CEP120: variants seen among roughly 807,000 people sequenced by gnomAD.
CEP120 encodes centrosomal protein 120, also known as centrosomal protein of 120 kDa.
In CEP120, 113 loss-of-function variants were observed where a neutral mutation model predicts 126.5. That is an observed-to-expected ratio of 0.89 (90% CI 0.77 to 1.04). The LOEUF (loss-of-function observed/expected upper bound fraction) is 1.04, where lower values mean the gene tolerates loss of function less well. CEP120 is among the 50% of genes least tolerant of loss of function. The probability of loss-of-function intolerance (pLI) is 0.00; values close to 1 mark genes in which losing one functional copy is unlikely to be tolerated. For missense variants in CEP120, 1,230 were observed against 1,155.7 expected (o/e 1.06, Z -0.93); for synonymous variants, 400 against 394.3 (o/e 1.01, Z -0.17).
At chr5:123,404,892 A>T (rs1205376519) in intron 4 of CEP120, among the ~76,000 whole-genome samples, 1 of 152,238 alleles carries the variant, frequency 6.6e-6, no homozygotes, top group African/African-American at 2.4e-5. Context: ...AAGTTTACAG[A>T]AGAGATGTAA....
intron 19 of CEP120, among the ~76,000 whole-genome samples, chr5:123,347,742 C>A (rs1446127640): frequency 6.6e-6 from 1 of 152,104 alleles, no homozygotes; most frequent in African/African-American, 2.4e-5. Flanking sequence ...ACCTCCTGGG[C>A]TCAATGGATC....
intron 5 of CEP120, among the ~76,000 whole-genome samples, chr5:123,395,219 T>C (rs1436037434): frequency 6.6e-6 from 1 of 152,342 alleles, no homozygotes. Context: ...TCCTGATATT[T>C]AGAGACTACT....
chr5:123,393,252 T>C (rs1219021464), intron 6 of CEP120, 48 bp downstream of exon 6: 1 of 1,545,852 alleles, frequency 6.5e-7, no homozygotes, highest in East Asian at 2.2e-5. Context: ...ACTAAATTAA[T>C]GCTTAAAAGA....
chr5:123,390,293 T>C (rs752067487), intron 7 of CEP120, 153 bp from the exon 8 acceptor site: 19 of 711,624 alleles, frequency 2.7e-5, no homozygotes, highest in Non-Finnish European at 3.8e-5. Flanking sequence ...AATTTCCTTA[T>C]AGCATCTAGG....
chr5:123,407,920 C>T (rs1478017404), intron 4 of CEP120, among the ~76,000 whole-genome samples: 1 of 152,004 alleles, frequency 6.6e-6, no homozygotes, highest in African/African-American at 2.4e-5. Flanking sequence ...TCCCAAAATA[C>T]TTTGAGATTA....
intron 18 of CEP120, among the ~76,000 whole-genome samples, chr5:123,352,440 C>G (rs1197878735): frequency 6.6e-6 from 1 of 151,952 alleles, no homozygotes; most frequent in Non-Finnish European, 1.5e-5. Context: ...ACTGACCTAG[C>G]AACATTTATT....
intron 3 of CEP120, among the ~76,000 whole-genome samples, chr5:123,415,501 T>C (rs1774327902): frequency 1.3e-5 from 2 of 152,226 alleles, no homozygotes; most frequent in African/African-American, 4.8e-5. Flanking sequence ...GATGTCTTTT[T>C]GAGCAAGACA....
intron 4 of CEP120, chr5:123,401,284 C>G (rs1477120323): frequency 8.7e-6 from 14 of 1,608,368 alleles, no homozygotes; most frequent in Middle Eastern, 1.7e-4. Flanking sequence ...TCCAGCTCGA[C>G]AACTTGGCGT....
intron 18 of CEP120, among the ~76,000 whole-genome samples, chr5:123,354,429 ATCT>A (rs2126976580): frequency 6.6e-6 from 1 of 152,222 alleles, no homozygotes; most frequent in African/African-American, 2.4e-5. Context: ...TGTTGCCCAA[ATCT>A]TCTACATTAT....
intron 1 of CEP120, chr5:123,422,611 T>C (rs779888511): frequency 1.3e-5 from 18 of 1,409,520 alleles, no homozygotes; most frequent in South Asian, 6.1e-5. Flanking sequence ...AGTGCTATTA[T>C]TGGGAACCGC....
At position 123,377,547 on chromosome 5, in the gene CEP120, G is replaced by A. The variant is rs1364122634; in HGVS notation, c.2197-12C>T. The A allele has an allele frequency of 6.4e-7, 1 of 1,569,006 alleles. No homozygotes were observed. Among genetic ancestry groups the A allele is most frequent in the East Asian group, 2.3e-5 (1 of 43,822 alleles). On this transcript the variant is annotated splice_polypyrimidine_tract_variant and intron_variant, in intron 15 of 19. Transcript: ENST00000306467. ...TTTTCTCTTTGAAGCTTAAAACAAA[G>A]GCATCTTTAAGAGGTTGGTTTATTG...
intron 9 of CEP120, among the ~76,000 whole-genome samples, chr5:123,387,607 T>C (rs915252359): frequency 2.0e-5 from 3 of 152,104 alleles, no homozygotes; most frequent in African/African-American, 7.2e-5. Context: ...CTTAAAATGA[T>C]TCAAAGACCG....
chr5:123,356,370 T>C (rs1186001742), intron 18 of CEP120, among the ~76,000 whole-genome samples: 1 of 152,114 alleles, frequency 6.6e-6, no homozygotes, highest in Non-Finnish European at 1.5e-5. Flanking sequence ...TGCTCATGGG[T>C]AGGAAGAATC....
rs1561986898 is a variant in CEP120 at position 123,349,928 on chromosome 5, C to A, written c.2726+16G>T. The stretch of plus-strand genomic sequence containing the variant: ...CAAACTTTGGCTTTTGAAAGAAACA[C>A]TTTTAGTTATTATACCTGTTCAATT... On this transcript the variant is annotated intron_variant, in intron 19 of 19. Coordinates refer to ENST00000306467, the MANE Select transcript of CEP120 (RefSeq NM_001375405.1). 1.2e-6 allele frequency: 2 copies of A among 1,607,104 alleles called. No homozygotes were observed. Among genetic ancestry groups the A allele is most frequent in the Non-Finnish European group, 1.7e-6 (2 of 1,177,636 alleles).
intron 5 of CEP120, among the ~76,000 whole-genome samples, chr5:123,394,444 A>G (rs553325250): frequency 4.3e-4 from 66 of 152,292 alleles, no homozygotes; most frequent in African/African-American, 1.5e-3. Context: ...TCGTGCTCCT[A>G]TGAAAATCTA....
At chr5:123,394,018 G>A (rs1220652020) in intron 5 of CEP120, among the ~76,000 whole-genome samples, 1 of 152,172 alleles carries the variant, frequency 6.6e-6, no homozygotes, top group Non-Finnish European at 1.5e-5. Context: ...AATACCTTTT[G>A]TACTATGAGT....
At chr5:123,411,254 T>A (rs1774036691) in intron 4 of CEP120, among the ~76,000 whole-genome samples, 1 of 152,160 alleles carries the variant, frequency 6.6e-6, no homozygotes, top group African/African-American at 2.4e-5. Flanking sequence ...GCACGGCCAC[T>A]TTGGAAGGCA....
In CEP120 at chr5:123,382,790, C is replaced by T; in HGVS notation, c.1960G>A (p.Ala654Thr). ...TCCTTCCACATTTCTAGCTCAAGTGCTGCTTTGTATTCTAACGTTTCACGA... is the reference window on the plus strand; with the variant it reads ...TCCTTCCACATTTCTAGCTCAAGTGTTGCTTTGTATTCTAACGTTTCACGA... ...EPRETLEYKA[A>T]LELEMWKEMQ... Residue 654 changes from alanine (A) to threonine (T), a missense_variant, in exon 13 of 20, where the codon GCA (alanine) becomes ACA (threonine). By Grantham distance (58) the Ala-to-Thr change is moderately conservative (BLOSUM62 0). Transcript: ENST00000306467. 6.2e-7 allele frequency: 1 copy of T among 1,613,340 alleles called. No individual in the cohort carries two copies. The highest frequency in any genetic ancestry group is 8.5e-7 in the Non-Finnish European group (1 of 1,179,628).
intron 17 of CEP120, among the ~76,000 whole-genome samples, chr5:123,366,636 T>A (rs1003826969): frequency 1.3e-5 from 2 of 151,880 alleles, no homozygotes; most frequent in South Asian, 4.1e-4. Flanking sequence ...TTCCTTTATA[T>A]TCCTACCACT....
Sources: allele counts gnomAD v4.1 joint callset (sites outside exome capture counted in the v4.1 genomes callset), GRCh38; gene constraint gnomAD v4.1.1; transcripts MANE v1.5; gene names NCBI Gene and HGNC (gene_info 2026-07-23, HGNC 2026-07-21).